The following GMEB1 variants were observed in gnomAD, a reference collection of about 807,000 sequenced individuals.
GMEB1 encodes the protein glucocorticoid modulatory element-binding protein 1.
Under a neutral mutation model 52.4 loss-of-function variants are expected in GMEB1, and 6 were observed. That is an observed-to-expected ratio of 0.11 (90% CI 0.06 to 0.23). The LOEUF (loss-of-function observed/expected upper bound fraction) is 0.23, where lower values mean the gene tolerates loss of function less well. Among genes scored for constraint, GMEB1 ranks in the 10% least tolerant of loss-of-function variants. GMEB1 has a pLI of 1.00. For missense variants in GMEB1, 486 were observed against 685.6 expected (o/e 0.71, Z 3.25); for synonymous variants, 255 against 244.9 (o/e 1.04, Z -0.38).
At position 28,710,629 on chromosome 1, in the gene GMEB1, C is replaced by A; in HGVS notation, c.978C>A (p.Leu326=). 6.3e-7 allele frequency: 1 copy of A among 1,597,734 alleles called. No homozygotes were observed. The highest frequency in any genetic ancestry group is 1.1e-5 in the South Asian group (1 of 87,854). Residue 326 remains leucine (L), a synonymous_variant, in exon 9 of 10, where the codon CTC becomes CTA. Coordinates refer to ENST00000373816, the MANE Select transcript of GMEB1 (RefSeq NM_001319674.2). ...TAGAGCAGGGAGAAGAACAGTTTCT[C>A]TATACTCTGACAGGTATGTATAAGT... ...NQVEQGEEQF[L]YTLTDLERQL... is the part of the protein sequence containing the mutation.
chr1:28,714,822 ATT>A lies in GMEB1; in HGVS notation c.*51_*52del, dbSNP rs758917680. The stretch of plus-strand genomic sequence containing the variant: ...TATGTTTTGATTTGGAATTTTAATT[ATT>A]TGTTTATTTTTATCATTGTCCCACT... On this transcript the variant is annotated 3_prime_UTR_variant, in exon 10 of 10. Coordinates refer to ENST00000373816, the MANE Select transcript of GMEB1 (RefSeq NM_001319674.2). 7.8e-7 allele frequency: 1 copy of A among 1,276,826 alleles called. No homozygotes were observed. The highest frequency in any genetic ancestry group is 1.3e-5 in the South Asian group (1 of 74,756). The allele number at this position is 1,276,826 out of a possible 1,614,324, so 79.1% of individuals were successfully genotyped here. A position where few individuals can be genotyped will look rare whatever the true frequency, so the allele number is the denominator to read the frequency against.
At chr1:28,679,744 A>G (rs1029462123) in intron 1 of GMEB1, among the ~76,000 whole-genome samples, 1 of 151,886 alleles carries the variant, frequency 6.6e-6, no homozygotes, top group Non-Finnish European at 1.5e-5. Context: ...GCAAATTTAT[A>G]TCCCTCCCAG....
In GMEB1 at chr1:28,687,375, C is replaced by CAAAAAAAAAAAA. The variant is rs1442461404; in HGVS notation, c.129-2728_129-2727insAAAAAAAAAAAA. Among the ~76,000 whole-genome samples, 8 of 19,184 alleles carry CAAAAAAAAAAAA rather than the reference C, an allele frequency of 4.2e-4. 1 individual carries two copies. Among genetic ancestry groups the CAAAAAAAAAAAA allele is most frequent in the African/African-American group, 1.5e-3 (7 of 4,548 alleles). 12.6% of individuals were successfully genotyped at this position (19,184 alleles called of 152,430 possible). ...ACACACACACACACACACACACACA[C>CAAAAAAAAAAAA]ACACACACACACAAAAAAAGACAGT... On this transcript the variant is annotated intron_variant, in intron 2 of 9. Transcript: ENST00000373816.
intron 4 of GMEB1, among the ~76,000 whole-genome samples, chr1:28,691,990 G>A (rs1669987712): frequency 6.6e-6 from 1 of 151,124 alleles, no homozygotes; most frequent in Admixed American, 6.6e-5. Context: ...AGACCAGCCT[G>A]GGCAAAATGG....
chr1:28,705,108 GC>G (rs1435080079), intron 8 of GMEB1, among the ~76,000 whole-genome samples: 1 of 150,024 alleles, frequency 6.7e-6, no homozygotes, highest in African/African-American at 2.4e-5. Flanking sequence ...AAAAACACAG[GC>G]CAGGTGCGGT....
At chr1:28,675,914 A>G (rs940566520) in intron 1 of GMEB1, among the ~76,000 whole-genome samples, 1 of 152,150 alleles carries the variant, frequency 6.6e-6, no homozygotes, top group African/African-American at 2.4e-5. Flanking sequence ...GGAATATGGT[A>G]TTTAGGGTAA....
chr1:28,715,033 GGAAGTGTCAA>G lies in GMEB1; in HGVS notation c.*263_*272del. ...CACCAAGAAAGTAATTTCTTTTAGG[GGAAGTGTCAA>G]GATAACAAGTAACCCTGTCCAGAAA... On this transcript the variant is annotated 3_prime_UTR_variant, in exon 10 of 10. Coordinates refer to ENST00000373816, the MANE Select transcript of GMEB1 (RefSeq NM_001319674.2). 1 of 408,220 alleles carries G rather than the reference GGAAGTGTCAA, an allele frequency of 2.4e-6. No individual in the cohort carries two copies. Among genetic ancestry groups the G allele is most frequent in the East Asian group, 4.4e-5 (1 of 22,832 alleles). The allele number at this position is 408,220 out of a possible 1,614,324, so 25.3% of individuals were successfully genotyped here.
chr1:28,678,682 G>A lies in GMEB1; in HGVS notation c.-30-4901G>A, dbSNP rs143515129. Among the ~76,000 whole-genome samples, 1,189 of 151,902 alleles carry A rather than the reference G, an allele frequency of 7.8e-3. 9 individuals carry two copies. The highest frequency in any genetic ancestry group is 0.025 in the African/African-American group (1,046 of 41,460). ...CACCTAAGCTGAAGTGCAGTGGCAC[G>A]ATCTTGGCTCACTGCAACCTCTGCC... On this transcript the variant is annotated intron_variant, in intron 1 of 9. Coordinates refer to ENST00000373816, the MANE Select transcript of GMEB1 (RefSeq NM_001319674.2).
chr1:28,700,997 TTGAG>T (rs1450058821), intron 6 of GMEB1, among the ~76,000 whole-genome samples: 1 of 151,906 alleles, frequency 6.6e-6, no homozygotes, highest in African/African-American at 2.4e-5. Context: ...CTATGAAGTG[TTGAG>T]TTTTACTTTT....
intron 9 of GMEB1, among the ~76,000 whole-genome samples, chr1:28,712,995 CA>C (rs35776002): frequency 6.8e-6 from 1 of 147,328 alleles, no homozygotes; most frequent in Non-Finnish European, 1.5e-5. Context: ...TACTAAAATA[CA>C]AAAAAAAAAA....
At chr1:28,668,901 C>T (rs1000417269) in intron 1 of GMEB1, 62 bp downstream of exon 1, 1 of 140,064 alleles carries the variant, frequency 7.1e-6, no homozygotes, top group Non-Finnish European at 1.6e-5. Flanking sequence ...GGGGCGGGCG[C>T]GGGGGCCGCG....
rs141446097 is a variant in GMEB1, at chr1:28,693,211, C to T, written c.440+166C>T. 4.8e-3 allele frequency among the ~76,000 whole-genome samples: 731 copies of T among 151,286 alleles called. 7 individuals carry two copies. Among genetic ancestry groups the T allele is most frequent in the Non-Finnish European group, 5.5e-3 (376 of 67,844 alleles). On this transcript the variant is annotated intron_variant, in intron 5 of 9. Coordinates refer to ENST00000373816, the MANE Select transcript of GMEB1 (RefSeq NM_001319674.2). ...TAATCAACTTAAAAATCCTGGGAGA[C>T]GAGATTGATTTTTTTTTTTTTTTCT...
intron 5 of GMEB1, among the ~76,000 whole-genome samples, chr1:28,695,661 G>A (rs1007577131): frequency 4.0e-5 from 6 of 150,794 alleles, no homozygotes; most frequent in Admixed American, 6.6e-5. Context: ...TTTTTCGGCC[G>A]GGCGCGGTGG....
rs1190854062 is a variant in GMEB1, at chr1:28,718,427, A to G, written c.*3654A>G. The G allele has an allele frequency of 6.6e-6, 1 of 152,104 alleles. No homozygotes were observed. 9.4% of individuals were successfully genotyped at this position (152,104 alleles called of 1,614,324 possible). ...AGCCTGGTCAACATAGCCAGACCCC[A>G]TCTCTATAAAAAAATGTAAAAATTA... On this transcript the variant is annotated 3_prime_UTR_variant, in exon 10 of 10. Transcript: ENST00000373816.
chr1:28,698,684 A>G (rs2124542484), intron 6 of GMEB1, among the ~76,000 whole-genome samples: 1 of 151,182 alleles, frequency 6.6e-6, no homozygotes, highest in South Asian at 2.1e-4. Flanking sequence ...CAAAAAAAAA[A>G]AAAAAGAAAA....
intron 5 of GMEB1, among the ~76,000 whole-genome samples, chr1:28,696,376 C>A (rs1474975494): frequency 1.3e-5 from 2 of 152,026 alleles, no homozygotes; most frequent in Non-Finnish European, 2.9e-5. Context: ...TGAGGAATAC[C>A]TTTAACTTTG....
At chr1:28,700,101 G>A (rs971302142) in intron 6 of GMEB1, among the ~76,000 whole-genome samples, 6 of 151,330 alleles carry the variant, frequency 4.0e-5, no homozygotes, top group African/African-American at 1.5e-4. Context: ...CGGGTGCAGC[G>A]GCCCACGCCT....
chr1:28,709,718 C>T (rs988418669), intron 8 of GMEB1, among the ~76,000 whole-genome samples: 1 of 152,120 alleles, frequency 6.6e-6, no homozygotes, highest in African/African-American at 2.4e-5. Flanking sequence ...GCTGGGATTA[C>T]AGGCACATGC....
chr1:28,690,070 G>A (rs896671351), intron 2 of GMEB1, 34 bp from the exon 3 acceptor site: 21 of 1,475,872 alleles, frequency 1.4e-5, no homozygotes, highest in Admixed American at 5.7e-5. Flanking sequence ...CATGATTTAT[G>A]TAGTTTGTTT....
Sources: gnomAD v4.1 joint callset for allele counts (sites outside exome capture counted in the v4.1 genomes callset) on GRCh38, gnomAD v4.1.1 for gene constraint, MANE v1.5 for transcripts, NCBI Gene and HGNC (gene_info 2026-07-23, HGNC 2026-07-21) for gene names.